HMGCS2: variants seen among roughly 807,000 people sequenced by gnomAD.
HMGCS2 encodes the protein hydroxymethylglutaryl-CoA synthase, mitochondrial.
A neutral mutation model predicts 57.4 loss-of-function variants in HMGCS2; 50 were observed. That is an observed-to-expected ratio of 0.87 (90% CI 0.69 to 1.10). The LOEUF is 1.10. HMGCS2 is among the 50% of genes least tolerant of loss of function. The probability of loss-of-function intolerance (pLI) is 0.00; values close to 1 mark genes in which losing one functional copy is unlikely to be tolerated. For missense variants in HMGCS2, 627 were observed against 636.5 expected (o/e 0.99, Z 0.16); for synonymous variants, 254 against 245.1 (o/e 1.04, Z -0.34).
At chr1:119,754,346 C>T (rs963887295) in intron 6 of HMGCS2, among the ~76,000 whole-genome samples, 5 of 151,950 alleles carry the variant, frequency 3.3e-5, no homozygotes, top group African/African-American at 9.7e-5. Flanking sequence ...CATGAGCCAC[C>T]GTGAACATCC....
rs754570283 is a variant in HMGCS2, at chr1:119,755,694, G to T, written c.1017-97C>A. ...CAGCTTCTGGAGAGGACTTTGGGGC[G>T]CATGTTTTTCCTACAATATTTGGAA... On this transcript the variant is annotated intron_variant, in intron 5 of 9. Transcript: ENST00000369406. The T allele has an allele frequency of 4.6e-6, 5 of 1,097,366 alleles. No homozygotes were observed. In the Admixed American group the frequency reaches 5.1e-5, roughly 11 times the overall value. 68.0% of individuals were successfully genotyped at this position (1,097,366 alleles called of 1,614,324 possible). A position where few individuals can be genotyped will look rare whatever the true frequency, so the allele number is the denominator to read the frequency against.
At chr1:119,759,349 A>T in intron 3 of HMGCS2, 67 bp from the exon 4 acceptor site, 1 of 1,500,486 alleles carries the variant, frequency 6.7e-7, no homozygotes, top group Non-Finnish European at 9.2e-7. Flanking sequence ...AAAAGATGAG[A>T]GAACCATATA....
At chr1:119,753,425 A>T (rs1435596975) in intron 6 of HMGCS2, 39 bp from the exon 7 acceptor site, 1 of 800,012 alleles carries the variant, frequency 1.2e-6, no homozygotes, top group Admixed American at 1.9e-5. Flanking sequence ...ACACACACAC[A>T]CACACACACA....
intron 9 of HMGCS2, among the ~76,000 whole-genome samples, chr1:119,749,417 C>T (rs1195753948): frequency 6.8e-6 from 1 of 147,850 alleles, no homozygotes; most frequent in South Asian, 2.3e-4. Context: ...ATTTCTCCCA[C>T]TCTTCTTCTG....
chr1:119,748,881 T>G (rs76165465), intron 9 of HMGCS2, 40 bp from the exon 10 acceptor site: 1 of 152,312 alleles, frequency 6.6e-6, no homozygotes, highest in Non-Finnish European at 1.5e-5. Context: ...GGGTCTCCTC[T>G]TGGGCACCCT....
chr1:119,761,727 C>T (rs1653047880), intron 2 of HMGCS2, among the ~76,000 whole-genome samples: 1 of 151,808 alleles, frequency 6.6e-6, no homozygotes, highest in African/African-American at 2.4e-5. Context: ...ATCACCGCCA[C>T]TGCACTCCAG....
At chr1:119,761,248 AC>A (rs1653028320) in intron 2 of HMGCS2, among the ~76,000 whole-genome samples, 1 of 149,302 alleles carries the variant, frequency 6.7e-6, no homozygotes, top group Non-Finnish European at 1.5e-5. Context: ...GGAAAACAAT[AC>A]TTTTTTCTAC....
intron 1 of HMGCS2, among the ~76,000 whole-genome samples, chr1:119,768,217 G>T (rs2101282102): frequency 6.6e-6 from 1 of 152,290 alleles, no homozygotes; most frequent in Non-Finnish European, 1.5e-5. Context: ...GAAAAGGAGT[G>T]TGCATGTTCT....
In HMGCS2 at chr1:119,764,342, C is replaced by T. The variant is rs375313694; in HGVS notation, c.389G>A (p.Gly130Asp). 7.4e-6 allele frequency: 12 copies of T among 1,614,240 alleles called. No individual in the cohort carries two copies. The highest frequency in any genetic ancestry group is 8.5e-6 in the Non-Finnish European group (10 of 1,180,038). The change falls in exon 2 of 10, where the codon GGC becomes GAC. Residue 130 changes from glycine (G) to aspartate (D), a missense_variant. Gly to Asp is a moderately conservative substitution (Grantham distance 94). Coordinates refer to ENST00000369406, the MANE Select transcript of HMGCS2 (RefSeq NM_005518.4). ...GGACTTGTCAATGATGGTCTCAGTG[C>T]CTACTTCCAGCCTGCCCACAGAGTC... Reference protein sequence around the residue: ...PWDSVGRLEVGTETIIDKSKA... With the variant: ...PWDSVGRLEVDTETIIDKSKA...
intron 9 of HMGCS2, among the ~76,000 whole-genome samples, chr1:119,749,117 G>A (rs1357089377): frequency 6.6e-6 from 1 of 152,184 alleles, no homozygotes; most frequent in East Asian, 1.9e-4. Context: ...GAGACCTGTA[G>A]AGCTCCACCA....
intron 6 of HMGCS2, among the ~76,000 whole-genome samples, chr1:119,753,943 G>A (rs1035009207): frequency 2.6e-5 from 4 of 151,422 alleles, no homozygotes; most frequent in African/African-American, 9.7e-5. Context: ...GGAATGCAGT[G>A]GCGTGATCAT....
intron 6 of HMGCS2, 24 bp from the exon 7 acceptor site, chr1:119,753,410 AACACACACACACACACAC>A: frequency 2.7e-6 from 2 of 746,450 alleles, no homozygotes; most frequent in South Asian, 1.5e-5. Context: ...AATCAAATAA[AACACACACACACACACAC>A]ACACACACAC....
intron 2 of HMGCS2, among the ~76,000 whole-genome samples, chr1:119,760,198 C>T (rs185926627): frequency 2.1e-4 from 32 of 152,278 alleles, no homozygotes; most frequent in East Asian, 5.8e-4. Flanking sequence ...CTCTGTAAAA[C>T]GCTCATTTAT....
intron 6 of HMGCS2, among the ~76,000 whole-genome samples, chr1:119,754,515 T>G (rs941129196): frequency 6.6e-6 from 1 of 152,162 alleles, no homozygotes; most frequent in Non-Finnish European, 1.5e-5. Flanking sequence ...TTATGTTAGA[T>G]GCAGTACTTC....
chr1:119,758,410 T>G (rs1187994876), intron 4 of HMGCS2, among the ~76,000 whole-genome samples: 4 of 140,858 alleles, frequency 2.8e-5, no homozygotes, highest in African/African-American at 1.0e-4. Context: ...ACTTTTGTAC[T>G]TTTTTTTTTT....
intron 1 of HMGCS2, among the ~76,000 whole-genome samples, chr1:119,765,438 C>A (rs1653195830): frequency 2.0e-5 from 3 of 152,118 alleles, no homozygotes; most frequent in Admixed American, 2.0e-4. Context: ...CTCATTTGTT[C>A]TTTGTTCTTT....
chr1:119,752,454 C>T lies in HMGCS2; in HGVS notation c.1420+95G>A, dbSNP rs180760106. The T allele has an allele frequency of 2.4e-4, 327 of 1,364,642 alleles. 2 individuals carry two copies. The East Asian group carries it at 7.1e-3, about 29-fold the overall frequency. The allele number at this position is 1,364,642 out of a possible 1,614,324, so 84.5% of individuals were successfully genotyped here. A position where few individuals can be genotyped will look rare whatever the true frequency, so the allele number is the denominator to read the frequency against. On this transcript the variant is annotated intron_variant, in intron 8 of 9. Coordinates refer to ENST00000369406, the MANE Select transcript of HMGCS2 (RefSeq NM_005518.4). ...CAACCATATCTCGTAAAAGTCTTGA[C>T]CCTGGACTACTAAATTCTAGATTTC...
In HMGCS2 at chr1:119,752,648, T is replaced by C; in HGVS notation, c.1321A>G (p.Ser441Gly). Residue 441 changes from serine to glycine, a missense_variant, in exon 8 of 10, where the codon AGC becomes GGC. Coordinates refer to ENST00000369406, the MANE Select transcript of HMGCS2 (RefSeq NM_005518.4). ...AGGCGTTTTGGCAGGTCTGATGTGC[T>C]GGACACCAACTTGTCCAGGGGAGAG... is the stretch of plus-strand genomic sequence containing the variant. ...PGSPLDKLVSSTSDLPKRLAS... is the reference protein window; with the variant it reads ...PGSPLDKLVSGTSDLPKRLAS... 6.2e-7 allele frequency: 1 copy of C among 1,614,196 alleles called. No homozygotes were observed. Among genetic ancestry groups the C allele is most frequent in the Non-Finnish European group, 8.5e-7 (1 of 1,180,018 alleles).
chr1:119,761,004 T>G (rs1653018361), intron 2 of HMGCS2, among the ~76,000 whole-genome samples: 1 of 151,840 alleles, frequency 6.6e-6, no homozygotes, highest in African/African-American at 2.4e-5. Context: ...GACCTTCTCT[T>G]AAGAATTATA....
Sources: gnomAD v4.1 joint callset for allele counts (sites outside exome capture counted in the v4.1 genomes callset) on GRCh38, gnomAD v4.1.1 for gene constraint, MANE v1.5 for transcripts, NCBI Gene and HGNC (gene_info 2026-07-23, HGNC 2026-07-21) for gene names.